DLEC1: variants seen among roughly 807,000 people sequenced by gnomAD.
DLEC1 encodes DLEC1 cilia and flagella associated protein, also known as deleted in lung and esophageal cancer protein 1.
Under a neutral mutation model 198.1 loss-of-function variants are expected in DLEC1, and 146 were observed. That is an observed-to-expected ratio of 0.74 (90% CI 0.64 to 0.85). The LOEUF (loss-of-function observed/expected upper bound fraction) is 0.85. DLEC1 is among the 40% of genes least tolerant of loss of function. The probability of loss-of-function intolerance (pLI) is 0.00; values close to 1 mark genes in which losing one functional copy is unlikely to be tolerated. For missense variants in DLEC1, 2,233 were observed against 2,220.0 expected (o/e 1.01, Z -0.12); for synonymous variants, 897 against 866.8 (o/e 1.03, Z -0.61).
chr3:38,119,100 C>A (rs1156960334), intron 33 of DLEC1, among the ~76,000 whole-genome samples: 1 of 152,208 alleles, frequency 6.6e-6, no homozygotes. Flanking sequence ...GGCGGTTAGC[C>A]ACCAGGCATT....
intron 1 of DLEC1, among the ~76,000 whole-genome samples, chr3:38,039,890 T>TA (rs1309086352): frequency 5.9e-5 from 9 of 152,228 alleles, no homozygotes; most frequent in Non-Finnish European, 8.8e-5. Flanking sequence ...TCTAGACACA[T>TA]ACGTTATATA....
chr3:38,058,433 G>A (rs986758228), intron 2 of DLEC1, among the ~76,000 whole-genome samples: 4 of 152,078 alleles, frequency 2.6e-5, no homozygotes, highest in East Asian at 1.9e-4. Flanking sequence ...CGATGCAGGC[G>A]GCTAGGCGGC....
At chr3:38,116,400 G>A (rs951464271) in intron 27 of DLEC1, 53 bp from the exon 28 acceptor site, 2 of 1,598,380 alleles carry the variant, frequency 1.3e-6, no homozygotes, top group African/African-American at 1.3e-5. Flanking sequence ...GGGGCCCCGG[G>A]GGGTTGTCTG....
At chr3:38,046,787 C>A (rs745315695) in intron 2 of DLEC1, among the ~76,000 whole-genome samples, 5 of 152,186 alleles carry the variant, frequency 3.3e-5, no homozygotes, top group South Asian at 2.1e-4. Context: ...CTTTTTCCCC[C>A]CCTCAGGCCC....
Position 38,060,468 on chromosome 3 carries a change from T to A in DLEC1, c.673+616T>A, listed in dbSNP as rs375756488. ...TGGATTCTGTGGCCAGTTATCGGGATTGCCTAGCATGCTGGGCTCAGAAGA... is the reference window on the plus strand; with the variant it reads ...TGGATTCTGTGGCCAGTTATCGGGAATGCCTAGCATGCTGGGCTCAGAAGA... On this transcript the variant is annotated intron_variant, in intron 3 of 36. Transcript: ENST00000308059. 1.7e-3 allele frequency among the ~76,000 whole-genome samples: 259 copies of A among 152,188 alleles called. 2 individuals carry two copies. Among genetic ancestry groups the A allele is most frequent in the African/African-American group, 6.0e-3 (248 of 41,530 alleles).
chr3:38,074,732 T>G (rs1256347893), intron 6 of DLEC1, among the ~76,000 whole-genome samples: 4 of 152,194 alleles, frequency 2.6e-5, no homozygotes, highest in African/African-American at 9.7e-5. Context: ...AAAAACTCTT[T>G]CCTGTTCATC....
rs1559400160 is a variant in DLEC1 at position 38,056,101 on chromosome 3, AC to A, written c.563-3640del. ...CACACACACACACACACACACACAC[AC>A]ACACACACACACACAAATAGCTGAG... On this transcript the variant is annotated intron_variant, in intron 2 of 36. Coordinates refer to ENST00000308059, the MANE Select transcript of DLEC1 (RefSeq NM_007335.4). Among the ~76,000 whole-genome samples the A allele has an allele frequency of 9.6e-4, 139 of 144,718 alleles. 1 individual carries two copies. The highest frequency in any genetic ancestry group is 3.8e-3 in the African/African-American group (133 of 35,118). The allele number at this position is 144,718 out of a possible 152,430, so 94.9% of individuals were successfully genotyped here.
At position 38,100,381 on chromosome 3, in the gene DLEC1, T is replaced by A. The variant is rs1323527720; in HGVS notation, c.2820T>A (p.His940Gln). The change falls in exon 19 of 37, where the codon CAT (histidine) becomes CAA (glutamine). Residue 940 changes from histidine to glutamine, a missense_variant. Physicochemically the swap from His to Gln is conservative, Grantham distance 24. Transcript: ENST00000308059. ...DITLEALHCQ[H>Q]LETVLELEVE... is the part of the protein sequence containing the mutation. ...CCTTGGAGGCCCTGCACTGCCAGCA[T>A]CTGGAGACCGTCCTGGAGCTGGAGG... 6.2e-7 allele frequency: 1 copy of A among 1,613,824 alleles called. No homozygotes were observed. Among genetic ancestry groups the A allele is most frequent in the Non-Finnish European group, 8.5e-7 (1 of 1,179,964 alleles).
Position 38,112,077 on chromosome 3 carries a change from G to A in DLEC1, c.3515-133G>A. The A allele has an allele frequency of 2.2e-6, 3 of 1,388,312 alleles. No homozygotes were observed. The highest frequency in any genetic ancestry group is 3.0e-6 in the Non-Finnish European group (3 of 1,004,840). The allele number at this position is 1,388,312 out of a possible 1,614,324, so 86.0% of individuals were successfully genotyped here. Reference sequence around the variant, plus strand: ...CTGGATTCCAGGCTCCCAGGAGGAGGGCACATGTAGCCTGACCAAGGAGAG... The same window carrying A: ...CTGGATTCCAGGCTCCCAGGAGGAGAGCACATGTAGCCTGACCAAGGAGAG... On this transcript the variant is annotated intron_variant, in intron 24 of 36. Transcript: ENST00000308059. This position sits in a 1 kb window ranked among gnomAD's most constrained non-coding sequence, Gnocchi z 4.8.
At chr3:38,101,043 A>G (rs1473393118) in intron 19 of DLEC1, among the ~76,000 whole-genome samples, 2 of 152,224 alleles carry the variant, frequency 1.3e-5, no homozygotes, top group South Asian at 2.1e-4. Flanking sequence ...AAAGAATAGT[A>G]TAATAAACCT....
intron 14 of DLEC1, 121 bp downstream of exon 14, chr3:38,096,067 G>A: frequency 8.3e-7 from 1 of 1,202,256 alleles, no homozygotes; most frequent in Non-Finnish European, 1.2e-6. Flanking sequence ...CAGGCTTTGG[G>A]GAGTGAGAGC....
intron 10 of DLEC1, among the ~76,000 whole-genome samples, chr3:38,089,058 G>T (rs1698611269): frequency 6.6e-6 from 1 of 152,340 alleles, no homozygotes; most frequent in East Asian, 1.9e-4. Flanking sequence ...GTGACTGGGT[G>T]TGGGCTGCTA....
At chr3:38,095,866 G>A (rs977963185) in intron 13 of DLEC1, 22 bp from the exon 14 acceptor site, 3 of 1,613,742 alleles carry the variant, frequency 1.9e-6, no homozygotes, top group Admixed American at 3.3e-5. Context: ...GGTGTTTTCA[G>A]GGCACTGTGT....
chr3:38,071,291 G>A lies in DLEC1; in HGVS notation c.1173+7372G>A, dbSNP rs552352263. Among the ~76,000 whole-genome samples, 31 of 152,342 alleles carry A rather than the reference G, an allele frequency of 2.0e-4. No individual in the cohort carries two copies. The South Asian group carries it at 6.0e-3, about 30-fold the overall frequency. On this transcript the variant is annotated intron_variant, in intron 6 of 36. Coordinates refer to ENST00000308059, the MANE Select transcript of DLEC1 (RefSeq NM_007335.4). Reference sequence around the variant, plus strand: ...AGGACTAAGAATTGGGAGGACCTAGGATATTTAATTAGAGAGTGCCTAAGG... The same window carrying A: ...AGGACTAAGAATTGGGAGGACCTAGAATATTTAATTAGAGAGTGCCTAAGG...
rs778356627 is a variant in DLEC1 at position 38,116,578 on chromosome 3, G to A, written c.3982G>A (p.Asp1328Asn). Residue 1328 changes from aspartate to asparagine, a missense_variant, in exon 28 of 37, where the codon GAT becomes AAT. By Grantham distance (23) the Asp-to-Asn change is conservative. Transcript: ENST00000308059. ...DQAGNELVCP[D>N]TPEGGCLLWS... The stretch of plus-strand genomic sequence containing the variant: ...AGCCGGGAATGAGCTTGTGTGCCCT[G>A]ATACCCCTGAGGGTGGCTGCCTCCT... The A allele has an allele frequency of 1.2e-6, 2 of 1,614,108 alleles. No individual in the cohort carries two copies. Among genetic ancestry groups the A allele is most frequent in the Non-Finnish European group, 1.7e-6 (2 of 1,179,988 alleles).
At chr3:38,067,679 G>A (rs889539885) in intron 6 of DLEC1, among the ~76,000 whole-genome samples, 1 of 151,758 alleles carries the variant, frequency 6.6e-6, no homozygotes, top group Non-Finnish European at 1.5e-5. Flanking sequence ...CTCTATGTGG[G>A]CTGTGCTTCC....
chr3:38,087,013 G>T (rs1049002172), intron 9 of DLEC1, among the ~76,000 whole-genome samples: 3 of 151,216 alleles, frequency 2.0e-5, no homozygotes, highest in African/African-American at 7.3e-5. Context: ...GGTGGAGGTT[G>T]CAGTGAGCCG....
chr3:38,091,676 C>CT (rs1431713998), intron 10 of DLEC1, among the ~76,000 whole-genome samples: 1 of 151,996 alleles, frequency 6.6e-6, no homozygotes, highest in South Asian at 2.1e-4. Context: ...AAACAACCTG[C>CT]TTTTTTTAAT....
chr3:38,117,821 G>GTGACCACCCACCACCTGAAGC lies in DLEC1; in HGVS notation c.4508_4528dup (p.Thr1503_Thr1509dup), dbSNP rs751168048. On this transcript the variant is annotated inframe_insertion, in exon 33 of 37. Transcript: ENST00000308059. ...GGCTGCCCAGGTGCTGAGTGAGCTGGTGACCACCCACCACCTGAAGCTGAC... is the reference window on the plus strand; with the variant it reads ...GGCTGCCCAGGTGCTGAGTGAGCTGGTGACCACCCACCACCTGAAGCTGACCACCCACCACCTGAAGCTGAC... 1.2e-6 allele frequency: 2 copies of GTGACCACCCACCACCTGAAGC among 1,614,106 alleles called. No homozygotes were observed. The highest frequency in any genetic ancestry group is 3.3e-5 in the Admixed American group (2 of 60,010).
Sources: allele counts gnomAD v4.1 joint callset (sites outside exome capture counted in the v4.1 genomes callset), GRCh38; gene constraint gnomAD v4.1.1; non-coding constraint Gnocchi (gnomAD v3.1); transcripts MANE v1.5; gene names NCBI Gene and HGNC (gene_info 2026-07-23, HGNC 2026-07-21).